EEA1: variants seen among roughly 807,000 people sequenced by gnomAD.
EEA1 encodes early endosome antigen 1, also known as early endosome antigen 1, 162kD.
EEA1 carries 111 observed loss-of-function variants against 209.2 expected under a neutral mutation model. The ratio of observed to expected loss-of-function variants is 0.53; its 90% CI spans 0.45 to 0.62. The LOEUF is 0.62. Among genes scored for constraint, EEA1 ranks in the 20% least tolerant of loss-of-function variants. The pLI, the probability that EEA1 is intolerant of heterozygous loss-of-function variation, is 0.00. For synonymous variants in EEA1, 536 were observed against 540.6 expected, an observed-to-expected ratio of 0.99 and a Z score of 0.12; for missense variants, 1,343 against 1,530.8, an observed-to-expected ratio of 0.88 and a Z score of 2.05.
Position 92,864,948 on chromosome 12 carries a change from C to G in EEA1, c.157G>C (p.Ala53Pro). The G allele has an allele frequency of 6.2e-7, 1 of 1,610,982 alleles. No individual in the cohort carries two copies. The highest frequency in any genetic ancestry group is 8.5e-7 in the Non-Finnish European group (1 of 1,178,616). Reference sequence around the variant, plus strand: ...TCATAATGTTTGAAAAGTTCATCAGCAGATCCAAGAGATTTCATACACTGG... The same window carrying G: ...TCATAATGTTTGAAAAGTTCATCAGGAGATCCAAGAGATTTCATACACTGG... Reference protein sequence around the residue: ...CPQCMKSLGSADELFKHYEAV... With the variant: ...CPQCMKSLGSPDELFKHYEAV... Residue 53 changes from alanine to proline, a missense_variant, in exon 3 of 29, where the codon GCT (alanine) becomes CCT (proline). Transcript: ENST00000322349.
At chr12:92,838,493 G>C (rs564976036) in intron 10 of EEA1, among the ~76,000 whole-genome samples, 1 of 152,160 alleles carries the variant, frequency 6.6e-6, no homozygotes, top group Admixed American at 6.5e-5. Flanking sequence ...AGTTTTCTAC[G>C]TGTAGTTTGA....
chr12:92,826,980 G>T (rs975508993), intron 12 of EEA1, among the ~76,000 whole-genome samples: 19 of 151,940 alleles, frequency 1.3e-4, no homozygotes, highest in African/African-American at 4.1e-4. Flanking sequence ...TATTGGAAAA[G>T]AATAGGATCA....
intron 10 of EEA1, among the ~76,000 whole-genome samples, chr12:92,839,473 G>C (rs112798717): frequency 0.025 from 3,735 of 152,148 alleles, 170 homozygotes; most frequent in African/African-American, 0.084. Flanking sequence ...ATCTGTATGA[G>C]ACTAAATTTT....
intron 14 of EEA1, 24 bp from the exon 15 acceptor site, chr12:92,816,424 G>A (rs574257516): frequency 1.7e-5 from 27 of 1,599,818 alleles, no homozygotes; most frequent in South Asian, 1.7e-4. Flanking sequence ...AAGACTAATC[G>A]TGAAGTTCAC....
intron 9 of EEA1, among the ~76,000 whole-genome samples, chr12:92,848,545 A>C (rs1877474413): frequency 6.6e-6 from 1 of 152,064 alleles, no homozygotes; most frequent in African/African-American, 2.4e-5. Flanking sequence ...CTTAGATATA[A>C]AGGTATTTTA....
intron 6 of EEA1, 28 bp from the exon 7 acceptor site, chr12:92,853,053 A>G: frequency 7.2e-7 from 1 of 1,387,666 alleles, no homozygotes; most frequent in Non-Finnish European, 1.0e-6. Context: ...AGTTATTCAA[A>G]TACCATGTTA....
Position 92,907,531 on chromosome 12 carries a change from C to T in EEA1, c.25-15810G>A, listed in dbSNP as rs187253910. On this transcript the variant is annotated intron_variant, in intron 1 of 28. Transcript: ENST00000322349. ...GCCCACTTAAATTTTGAATCTATCC[C>T]CCTTTCTCCATCTCCTTGGCCACTA... Among the ~76,000 whole-genome samples the T allele has an allele frequency of 2.5e-3, 381 of 152,240 alleles. 1 individual carries two copies. Among genetic ancestry groups the T allele is most frequent in the Non-Finnish European group, 2.8e-3 (190 of 68,022 alleles).
intron 14 of EEA1, 23 bp from the exon 15 acceptor site, chr12:92,816,423 C>T (rs763273838): frequency 1.0e-5 from 16 of 1,601,412 alleles, no homozygotes; most frequent in African/African-American, 5.4e-5. Flanking sequence ...TAAGACTAAT[C>T]GTGAAGTTCA....
intron 2 of EEA1, among the ~76,000 whole-genome samples, chr12:92,866,972 A>C (rs1878427292): frequency 6.6e-6 from 1 of 152,160 alleles, no homozygotes; most frequent in South Asian, 2.1e-4. Context: ...TCGGATACTC[A>C]GTATCTCTTG....
chr12:92,917,129 G>A (rs1377415587), intron 1 of EEA1, among the ~76,000 whole-genome samples: 1 of 142,092 alleles, frequency 7.0e-6, no homozygotes, highest in Non-Finnish European at 1.5e-5. Flanking sequence ...TGGTGTACCT[G>A]AAAGTGATGG....
chr12:92,855,496 A>C (rs773150280), intron 5 of EEA1, among the ~76,000 whole-genome samples: 1 of 146,732 alleles, frequency 6.8e-6, no homozygotes, highest in South Asian at 2.2e-4. Flanking sequence ...TTATAAGCAT[A>C]AATTTTTAAT....
intron 9 of EEA1, among the ~76,000 whole-genome samples, chr12:92,846,567 A>G (rs1020689675): frequency 3.3e-5 from 5 of 152,164 alleles, no homozygotes; most frequent in African/African-American, 1.2e-4. Flanking sequence ...TAAATACTAC[A>G]CCAAATATAA....
chr12:92,789,251 C>A (rs1874278712), intron 21 of EEA1, among the ~76,000 whole-genome samples: 1 of 147,370 alleles, frequency 6.8e-6, no homozygotes. Context: ...GATCGCACCA[C>A]TGCACTCCAT....
At chr12:92,884,053 G>T (rs1409046402) in intron 2 of EEA1, 4 of 1,366,016 alleles carry the variant, frequency 2.9e-6, no homozygotes, top group Non-Finnish European at 2.1e-6. Context: ...CTCAAGAGAA[G>T]ATTCTCAAAG....
intron 24 of EEA1, among the ~76,000 whole-genome samples, 189 bp from the exon 25 acceptor site, chr12:92,779,489 C>T (rs750673746): frequency 9.2e-5 from 14 of 151,992 alleles, no homozygotes; most frequent in Non-Finnish European, 1.8e-4. Context: ...GCTCAACAAT[C>T]ATTTAAATCC....
intron 21 of EEA1, among the ~76,000 whole-genome samples, chr12:92,797,509 T>C (rs556663425): frequency 6.6e-6 from 1 of 152,206 alleles, no homozygotes; most frequent in Non-Finnish European, 1.5e-5. Context: ...GTACAGGCAA[T>C]ATATATTAAT....
intron 2 of EEA1, among the ~76,000 whole-genome samples, chr12:92,878,887 C>T (rs910708265): frequency 6.6e-6 from 1 of 152,090 alleles, no homozygotes; most frequent in Non-Finnish European, 1.5e-5. Context: ...AAACACAATT[C>T]ACCAAAACTG....
At chr12:92,874,248 G>C (rs555196923) in intron 2 of EEA1, among the ~76,000 whole-genome samples, 94 of 152,182 alleles carry the variant, frequency 6.2e-4, no homozygotes, top group African/African-American at 2.2e-3. Context: ...TTGAGCCCAG[G>C]AGGTCCGGGC....
At chr12:92,780,737 A>C (rs73362408) in intron 23 of EEA1, among the ~76,000 whole-genome samples, 2,425 of 152,288 alleles carry the variant, frequency 0.016, 26 homozygotes, top group East Asian at 0.04. Context: ...TAAGGTATCT[A>C]GTTAGGATAT....
Sources: allele counts gnomAD v4.1 joint callset (sites outside exome capture counted in the v4.1 genomes callset), GRCh38; gene constraint gnomAD v4.1.1; transcripts MANE v1.5; gene names NCBI Gene and HGNC (gene_info 2026-07-23, HGNC 2026-07-21).